CHRNA7: variants seen among roughly 807,000 people sequenced by gnomAD.
CHRNA7 encodes the protein cholinergic receptor nicotinic alpha 7 subunit, also known as neuronal acetylcholine receptor subunit alpha-7.
Under a neutral mutation model 48.0 loss-of-function variants are expected in CHRNA7, and 17 were observed. That is an observed-to-expected ratio of 0.35 (90% CI 0.24 to 0.53). CHRNA7 has a LOEUF of 0.53. CHRNA7 is among the 20% of genes least tolerant of loss of function. CHRNA7 has a pLI of 0.92. For missense variants in CHRNA7, 155 were observed against 577.7 expected (o/e 0.27, Z 7.50); for synonymous variants, 75 against 242.3 (o/e 0.31, Z 6.41).
intron 2 of CHRNA7, among the ~76,000 whole-genome samples, chr15:32,060,325 TGTATATAC>T (rs2049858890): frequency 6.6e-6 from 1 of 152,222 alleles, no homozygotes. Context: ...TATGTATACC[TGTATATAC>T]ATACCTGTGT....
intron 2 of CHRNA7, among the ~76,000 whole-genome samples, chr15:32,083,130 T>C (rs2050241788): frequency 6.6e-6 from 1 of 152,224 alleles, no homozygotes; most frequent in Non-Finnish European, 1.5e-5. Flanking sequence ...AGTTCATATG[T>C]TGGGATCTTA....
intron 4 of CHRNA7, among the ~76,000 whole-genome samples, chr15:32,147,325 T>C (rs1033710352): frequency 2.6e-5 from 4 of 152,214 alleles, no homozygotes; most frequent in African/African-American, 9.6e-5. Flanking sequence ...GAATCAATTA[T>C]ACCCTAAACT....
At chr15:32,111,706 G>T in intron 3 of CHRNA7, 84 bp from the exon 4 acceptor site, 2 of 757,090 alleles carry the variant, frequency 2.6e-6, no homozygotes, top group East Asian at 2.5e-5. Flanking sequence ...ATTCTCTTTG[G>T]TTTTGCACTT....
intron 2 of CHRNA7, among the ~76,000 whole-genome samples, chr15:32,045,937 G>C (rs1199185573): frequency 1.3e-5 from 2 of 149,586 alleles, no homozygotes; most frequent in African/African-American, 2.5e-5. Flanking sequence ...TTTGTCCTTG[G>C]GATAGTTTAC....
intron 2 of CHRNA7, among the ~76,000 whole-genome samples, chr15:32,051,416 A>G (rs1210587798): frequency 6.6e-6 from 1 of 152,148 alleles, no homozygotes; most frequent in East Asian, 1.9e-4. Flanking sequence ...CTGTGCTAGC[A>G]ATCAGTGAGA....
chr15:32,084,813 T>C (rs2050269062), intron 2 of CHRNA7, among the ~76,000 whole-genome samples: 1 of 146,346 alleles, frequency 6.8e-6, no homozygotes, highest in African/African-American at 2.5e-5. Context: ...ATACCTATGC[T>C]CATCGGCTGA....
chr15:32,149,649 G>C lies in CHRNA7; in HGVS notation c.351-4258G>C, dbSNP rs1351437492. 6.6e-6 allele frequency among the ~76,000 whole-genome samples: 1 copy of C among 152,182 alleles called. No individual in the cohort carries two copies. The highest frequency in any genetic ancestry group is 1.5e-5 in the Non-Finnish European group (1 of 68,034). On this transcript the variant is annotated intron_variant, in intron 4 of 9. Transcript: ENST00000306901. The surrounding 1 kb of genome is among the most constrained non-coding windows in gnomAD (Gnocchi z 4.6). The stretch of plus-strand genomic sequence containing the variant: ...GTAAAACTACCATCATGGGTATTAA[G>C]ATTTGGATTTTGATAACATTTATGT...
At chr15:32,150,482 A>G (rs1001064520) in intron 4 of CHRNA7, among the ~76,000 whole-genome samples, 1 of 152,224 alleles carries the variant, frequency 6.6e-6, no homozygotes, top group African/African-American at 2.4e-5. Flanking sequence ...AAAGCAATGC[A>G]AAGCTGAAAT....
At chr15:32,091,756 T>C (rs28706007) in intron 2 of CHRNA7, among the ~76,000 whole-genome samples, 52 of 152,336 alleles carry the variant, frequency 3.4e-4, no homozygotes, top group Non-Finnish European at 5.3e-4. Flanking sequence ...CTGGTCTCCA[T>C]ACTCCTGCAC....
At chr15:32,114,667 A>G (rs1034488441) in intron 4 of CHRNA7, among the ~76,000 whole-genome samples, 2 of 152,246 alleles carry the variant, frequency 1.3e-5, no homozygotes, top group African/African-American at 4.8e-5. Flanking sequence ...CATGAACCCA[A>G]CGTGGAATGA....
chr15:32,088,308 A>G (rs1280157392), intron 2 of CHRNA7, among the ~76,000 whole-genome samples: 2 of 152,086 alleles, frequency 1.3e-5, no homozygotes, highest in Non-Finnish European at 2.9e-5. Flanking sequence ...CATTGTGTGG[A>G]TGTGCCATGG....
chr15:32,077,493 A>G (rs1028444192), intron 2 of CHRNA7, among the ~76,000 whole-genome samples: 2 of 152,168 alleles, frequency 1.3e-5, no homozygotes, highest in African/African-American at 4.8e-5. Flanking sequence ...GGCCATTTCA[A>G]TAAATGTGTA....
rs370146222 is a variant in CHRNA7 at position 32,065,405 on chromosome 15, A to T, written c.195+34368A>T. ...TGCAAGACTATTTTTACTTGACCAA[A>T]TGCAGAGCTTTCCCAGTCTAGAAAG... On this transcript the variant is annotated intron_variant, in intron 2 of 9. Transcript: ENST00000306901. 7.2e-5 allele frequency among the ~76,000 whole-genome samples: 11 copies of T among 152,352 alleles called. 2 individuals carry two copies. Among genetic ancestry groups the T allele is most frequent in the Admixed American group, 5.2e-4 (8 of 15,302 alleles).
chr15:32,114,046 A>ATG (rs1453110375), intron 4 of CHRNA7, among the ~76,000 whole-genome samples: 6 of 44,750 alleles, frequency 1.3e-4, no homozygotes, highest in African/African-American at 2.0e-4. Flanking sequence ...ATATATATGT[A>ATG]TATATATATA....
At chr15:32,030,754 C>T (rs1420710770) in intron 1 of CHRNA7, 105 bp downstream of exon 1, 27 of 1,513,726 alleles carry the variant, frequency 1.8e-5, no homozygotes, top group Non-Finnish European at 2.4e-5. Context: ...ATCTCCCCGC[C>T]GCCGGGGAGG....
At chr15:32,146,755 T>A (rs1403152541) in intron 4 of CHRNA7, among the ~76,000 whole-genome samples, 2 of 152,208 alleles carry the variant, frequency 1.3e-5, no homozygotes, top group Non-Finnish European at 2.9e-5. Context: ...CAAAATAAAT[T>A]GAGTGTGATT....
At chr15:32,074,966 T>C (rs182458383) in intron 2 of CHRNA7, among the ~76,000 whole-genome samples, 1 of 152,278 alleles carries the variant, frequency 6.6e-6, no homozygotes, top group Admixed American at 6.5e-5. Context: ...CATTATTTGA[T>C]ATGAATTTTT....
intron 2 of CHRNA7, among the ~76,000 whole-genome samples, chr15:32,059,211 C>G (rs556437292): frequency 6.6e-6 from 1 of 152,228 alleles, no homozygotes; most frequent in South Asian, 2.1e-4. Flanking sequence ...ACCGTGTTGG[C>G]CAGGCTGGTC....
chr15:32,141,546 A>G (rs550753331), intron 4 of CHRNA7, among the ~76,000 whole-genome samples: 1 of 152,290 alleles, frequency 6.6e-6, no homozygotes, highest in South Asian at 2.1e-4. Flanking sequence ...GATTCTTCCT[A>G]TCCATGAGCA....
Sources: gnomAD v4.1 joint callset for allele counts (sites outside exome capture counted in the v4.1 genomes callset) on GRCh38, gnomAD v4.1.1 for gene constraint, Gnocchi (gnomAD v3.1) non-coding constraint, MANE v1.5 for transcripts, NCBI Gene and HGNC (gene_info 2026-07-23, HGNC 2026-07-21) for gene names.